GARNL3: variants seen among roughly 807,000 people sequenced by gnomAD.
The protein encoded by GARNL3 is GTPase activating Rap/RanGAP domain like 3, also known as GTPase-activating Rap/Ran-GAP domain-like protein 3.
A neutral mutation model predicts 125.0 loss-of-function variants in GARNL3; 63 were observed. That is an observed-to-expected ratio of 0.50 (90% CI 0.41 to 0.62). The LOEUF (loss-of-function observed/expected upper bound fraction) is 0.62. Ranked by LOEUF, GARNL3 falls within the 20% of genes least tolerant of loss-of-function variation. The pLI is 0.00. For missense variants in GARNL3, 994 were observed against 1,244.0 expected (o/e 0.80, Z 3.02); for synonymous variants, 439 against 457.5 (o/e 0.96, Z 0.52).
At chr9:127,270,706 C>A (rs2063804261) in intron 1 of GARNL3, among the ~76,000 whole-genome samples, 1 of 152,236 alleles carries the variant, frequency 6.6e-6, no homozygotes, top group Non-Finnish European at 1.5e-5. Flanking sequence ...GTGCTTATCA[C>A]AATCTATATT....
intron 2 of GARNL3, among the ~76,000 whole-genome samples, chr9:127,299,437 AAAC>A (rs1274840186): frequency 6.6e-6 from 1 of 152,226 alleles, no homozygotes; most frequent in East Asian, 1.9e-4. Context: ...GGCAATAAAA[AAAC>A]AAGCAGCCTT....
At position 127,330,226 on chromosome 9, in the gene GARNL3, G is replaced by A. The variant is rs1025347960; in HGVS notation, c.595-2048G>A. ...CACTATTATTCTAAGAGGATCATAT[G>A]TCAGACCCCAAATTACTGTAGGTGC... On this transcript the variant is annotated intron_variant, in intron 7 of 27. Coordinates refer to ENST00000373387, the MANE Select transcript of GARNL3 (RefSeq NM_032293.5). 3.3e-5 allele frequency among the ~76,000 whole-genome samples: 5 copies of A among 152,194 alleles called. No homozygotes were observed. In the South Asian group the frequency reaches 1.0e-3, roughly 32 times the overall value.
At chr9:127,313,393 C>T (rs2779714) in intron 3 of GARNL3, 48 bp from the exon 4 acceptor site, 643,335 of 1,311,802 alleles carry the variant, frequency 0.49, 163,552 homozygotes, top group Admixed American at 0.64. Context: ...CCATCTGTGG[C>T]TGGCAGGATC....
intron 24 of GARNL3, 65 bp from the exon 25 acceptor site, chr9:127,387,128 G>A: frequency 3.3e-6 from 5 of 1,530,984 alleles, no homozygotes; most frequent in Non-Finnish European, 3.6e-6. Context: ...GTGATGGCAG[G>A]AGGGCCAGTG....
At chr9:127,274,432 T>A (rs571797434) in intron 1 of GARNL3, among the ~76,000 whole-genome samples, 1 of 152,294 alleles carries the variant, frequency 6.6e-6, no homozygotes, top group Non-Finnish European at 1.5e-5. Context: ...ATACCAGACA[T>A]CAGCATGCTC....
chr9:127,225,721 G>A (rs2062896910), intron 1 of GARNL3, among the ~76,000 whole-genome samples: 1 of 151,836 alleles, frequency 6.6e-6, no homozygotes, highest in African/African-American at 2.4e-5. Context: ...GGGCAAGGTC[G>A]GGAGCTCACC....
intron 25 of GARNL3, 181 bp from the exon 26 acceptor site, chr9:127,388,723 G>A (rs957264258): frequency 3.0e-5 from 18 of 593,930 alleles, no homozygotes; most frequent in Admixed American, 1.2e-4. Flanking sequence ...CTTAGAAAAC[G>A]CAAAGCCATC....
At chr9:127,304,530 CTTTTTTTTTT>C (rs61493807) in intron 2 of GARNL3, among the ~76,000 whole-genome samples, 11,469 of 99,530 alleles carry the variant, frequency 0.12, 1,471 homozygotes, top group African/African-American at 0.34. Flanking sequence ...TGGCTTTATT[CTTTTTTTTTT>C]TTTTTTTTTT....
intron 6 of GARNL3, among the ~76,000 whole-genome samples, chr9:127,321,151 G>A (rs896107212): frequency 2.6e-5 from 4 of 151,770 alleles, no homozygotes; most frequent in Admixed American, 1.3e-4. Flanking sequence ...TTTTTTAATC[G>A]AAATGGAGTT....
chr9:127,329,074 C>T (rs957078139), intron 7 of GARNL3, among the ~76,000 whole-genome samples: 1 of 152,154 alleles, frequency 6.6e-6, no homozygotes, highest in African/African-American at 2.4e-5. Flanking sequence ...CAAACTATCC[C>T]CTCCTAAAAT....
At chr9:127,368,288 C>T (rs1186208418) in intron 22 of GARNL3, among the ~76,000 whole-genome samples, 2 of 150,708 alleles carry the variant, frequency 1.3e-5, no homozygotes, top group Admixed American at 6.6e-5. Flanking sequence ...ACCAGAACTA[C>T]AGCAGTGGAG....
intron 17 of GARNL3, among the ~76,000 whole-genome samples, chr9:127,350,177 A>G (rs1178344182): frequency 6.6e-6 from 1 of 152,250 alleles, no homozygotes; most frequent in Non-Finnish European, 1.5e-5. Flanking sequence ...TCATAAATTT[A>G]TAATTTAAAT....
At chr9:127,232,727 G>A (rs577723532) in intron 1 of GARNL3, among the ~76,000 whole-genome samples, 1 of 152,316 alleles carries the variant, frequency 6.6e-6, no homozygotes, top group East Asian at 1.9e-4. Flanking sequence ...TCCTGCAATT[G>A]CAAAATGCTG....
At chr9:127,355,160 A>G (rs1363976668) in intron 19 of GARNL3, 137 bp from the exon 20 acceptor site, 1 of 675,796 alleles carries the variant, frequency 1.5e-6, no homozygotes, top group Non-Finnish European at 2.6e-6. Flanking sequence ...CATTTTGCCT[A>G]GTGTCGGAAA....
chr9:127,295,851 T>A (rs1405098976), intron 2 of GARNL3, among the ~76,000 whole-genome samples: 1 of 152,142 alleles, frequency 6.6e-6, no homozygotes, highest in Non-Finnish European at 1.5e-5. Flanking sequence ...GGTTTCAGGA[T>A]GATTCAAGCA....
intron 22 of GARNL3, among the ~76,000 whole-genome samples, chr9:127,382,628 T>A (rs538991413): frequency 6.6e-6 from 1 of 152,222 alleles, no homozygotes; most frequent in African/African-American, 2.4e-5. Flanking sequence ...AAAATTTTTT[T>A]AATTTAAATT....
intron 14 of GARNL3, 121 bp from the exon 15 acceptor site, chr9:127,344,114 G>A (rs1830011202): frequency 2.9e-6 from 2 of 700,178 alleles, no homozygotes; most frequent in African/African-American, 1.8e-5. Flanking sequence ...TGCTTATTGA[G>A]TGAATGAAAC....
Position 127,302,086 on chromosome 9 carries a change from G to A in GARNL3, c.220-9550G>A, listed in dbSNP as rs182990159. ...GCCTCCAGAGTAGCTGGGACTACAG[G>A]CGCCTGCCACCACACCTGGCTAGTT... On this transcript the variant is annotated intron_variant, in intron 2 of 27. Coordinates refer to ENST00000373387, the MANE Select transcript of GARNL3 (RefSeq NM_032293.5). Among the ~76,000 whole-genome samples the A allele has an allele frequency of 6.6e-5, 10 of 151,828 alleles. No homozygotes were observed. In the East Asian group the frequency reaches 1.9e-3, roughly 29 times the overall value.
intron 22 of GARNL3, among the ~76,000 whole-genome samples, chr9:127,370,251 G>T (rs1588951610): frequency 6.6e-6 from 1 of 152,276 alleles, no homozygotes; most frequent in South Asian, 2.1e-4. Context: ...CACCTCCCCT[G>T]TTCCTGCCCC....
Sources: gnomAD v4.1 joint callset for allele counts (sites outside exome capture counted in the v4.1 genomes callset) on GRCh38, gnomAD v4.1.1 for gene constraint, MANE v1.5 for transcripts, NCBI Gene and HGNC (gene_info 2026-07-23, HGNC 2026-07-21) for gene names.